RHPN2: variants seen among roughly 807,000 people sequenced by gnomAD.
RHPN2 encodes rhophilin-2.
Under a neutral mutation model 79.0 loss-of-function variants are expected in RHPN2, and 40 were observed. The observed-to-expected ratio is 0.51, with a 90% confidence interval of 0.39 to 0.66. The LOEUF is 0.66. Ranked by LOEUF, RHPN2 falls within the 30% of genes least tolerant of loss-of-function variation. The pLI is 0.00. For synonymous variants in RHPN2, 285 were observed against 363.5 expected, an observed-to-expected ratio of 0.78 and a Z score of 2.46; for missense variants, 686 against 883.5, an observed-to-expected ratio of 0.78 and a Z score of 2.83.
intron 6 of RHPN2, among the ~76,000 whole-genome samples, chr19:33,010,385 G>GTTTT: frequency 7.1e-6 from 1 of 140,594 alleles, no homozygotes; most frequent in Non-Finnish European, 1.5e-5. Flanking sequence ...TTTTTAGGTT[G>GTTTT]TTTTTTTTTT....
At chr19:33,061,393 G>A (rs71351712) in intron 1 of RHPN2, among the ~76,000 whole-genome samples, 1 of 151,332 alleles carries the variant, frequency 6.6e-6, no homozygotes, top group African/African-American at 2.4e-5. Flanking sequence ...TTTTAGTAGA[G>A]ACGGGGTTTC....
At chr19:33,021,944 TTTA>T (rs150036271) in intron 3 of RHPN2, among the ~76,000 whole-genome samples, 3,997 of 152,064 alleles carry the variant, frequency 0.026, 162 homozygotes, top group African/African-American at 0.092. Flanking sequence ...CCTTTTTTAT[TTTA>T]TTATTATTTT....
chr19:33,046,415 A>G (rs1330472662), intron 1 of RHPN2, among the ~76,000 whole-genome samples: 2 of 151,852 alleles, frequency 1.3e-5, no homozygotes, highest in African/African-American at 2.4e-5. Context: ...ACAGGCGTGC[A>G]CCACCATGAC....
intron 2 of RHPN2, among the ~76,000 whole-genome samples, chr19:33,041,395 G>A (rs1462567797): frequency 1.3e-5 from 2 of 152,122 alleles, no homozygotes; most frequent in Non-Finnish European, 2.9e-5. Flanking sequence ...ATTTGTTTTC[G>A]GGAAACCGTT....
intron 1 of RHPN2, among the ~76,000 whole-genome samples, chr19:33,057,594 T>G (rs1355052258): frequency 6.8e-6 from 1 of 147,982 alleles, no homozygotes; most frequent in African/African-American, 2.5e-5. Flanking sequence ...GCACATCACT[T>G]GAACCCAGGA....
chr19:33,038,263 C>T (rs1452986415), intron 2 of RHPN2, among the ~76,000 whole-genome samples: 4 of 147,904 alleles, frequency 2.7e-5, no homozygotes, highest in African/African-American at 7.5e-5. Context: ...GCAGGAGAAT[C>T]GCTTGAACCC....
At position 32,979,864 on chromosome 19, in the gene RHPN2, A is replaced by T; in HGVS notation, c.*132T>A. ...TACTTTCCTTCATAAAAACACATCA[A>T]ATGTGAGTTTACACTATGAGAAAAA... On this transcript the variant is annotated 3_prime_UTR_variant, in exon 15 of 15. Transcript: ENST00000254260. 1 of 1,147,458 alleles carries T rather than the reference A, an allele frequency of 8.7e-7. No homozygotes were observed. The highest frequency in any genetic ancestry group is 1.5e-5 in the African/African-American group (1 of 65,298). The allele number at this position is 1,147,458 out of a possible 1,614,324, so 71.1% of individuals were successfully genotyped here.
chr19:33,019,627 G>A (rs141121364), intron 4 of RHPN2, among the ~76,000 whole-genome samples: 1 of 151,896 alleles, frequency 6.6e-6, no homozygotes, highest in Non-Finnish European at 1.5e-5. Flanking sequence ...AGCCAGGCAC[G>A]GTGGCACACG....
intron 1 of RHPN2, among the ~76,000 whole-genome samples, chr19:33,059,063 C>G (rs1027369572): frequency 2.6e-5 from 4 of 151,898 alleles, no homozygotes; most frequent in Non-Finnish European, 4.4e-5. Context: ...CCACTGCACT[C>G]CAGCCTGGGG....
At chr19:33,044,154 A>G (rs1972123187) in intron 2 of RHPN2, 95 bp downstream of exon 2, 1 of 892,108 alleles carries the variant, frequency 1.1e-6, no homozygotes, top group Non-Finnish European at 1.9e-6. Flanking sequence ...AGAAATGAGG[A>G]GGAAACCCAA....
chr19:32,990,606 T>C lies in RHPN2; in HGVS notation c.1708A>G (p.Thr570Ala), dbSNP rs1474727741. The stretch of plus-strand genomic sequence containing the variant: ...AGCAGCTTCATAACCTCACTCAGCG[T>C]CAGCCACTTACAATCCACAAGCTGA... ...SIQLVDCKWL[T>A]LSEVMKLLKS... Residue 570 changes from threonine to alanine, a missense_variant, in exon 14 of 15, where the codon ACG becomes GCG. Transcript: ENST00000254260. 1.9e-6 allele frequency: 3 copies of C among 1,613,908 alleles called. No individual in the cohort carries two copies. The highest frequency in any genetic ancestry group is 2.7e-5 in the African/African-American group (2 of 75,024).
rs766716284 is a variant in RHPN2 at position 32,979,957 on chromosome 19, C to T, written c.*39G>A. The T allele has an allele frequency of 5.6e-6, 9 of 1,612,088 alleles. No individual in the cohort carries two copies. The highest frequency in any genetic ancestry group is 2.2e-5 in the East Asian group (1 of 44,868). On this transcript the variant is annotated 3_prime_UTR_variant, in exon 15 of 15. Coordinates refer to ENST00000254260, the MANE Select transcript of RHPN2 (RefSeq NM_033103.5). ...CAAACGTTTAAGGCCGAGTCAGCAC[C>T]GGAAATGTTCAGGGCCTGAACATGT...
intron 1 of RHPN2, among the ~76,000 whole-genome samples, chr19:33,050,103 T>C (rs778593447): frequency 6.6e-6 from 1 of 152,140 alleles, no homozygotes; most frequent in Non-Finnish European, 1.5e-5. Context: ...GCCTGGCCCA[T>C]TGGAAAACCA....
At chr19:33,016,225 T>A (rs78560832) in intron 4 of RHPN2, among the ~76,000 whole-genome samples, 1 of 151,564 alleles carries the variant, frequency 6.6e-6, no homozygotes, top group Non-Finnish European at 1.5e-5. Flanking sequence ...TTTTTTTTTT[T>A]AAATGAGACA....
At chr19:32,984,280 G>T (rs1434333267) in intron 14 of RHPN2, among the ~76,000 whole-genome samples, 3 of 152,044 alleles carry the variant, frequency 2.0e-5, no homozygotes, top group South Asian at 4.1e-4. Context: ...AGGCTCAGTC[G>T]CTAAAAACAG....
At chr19:33,005,761 G>A (rs1184682326) in intron 7 of RHPN2, among the ~76,000 whole-genome samples, 1 of 152,082 alleles carries the variant, frequency 6.6e-6, no homozygotes, top group Non-Finnish European at 1.5e-5. Context: ...CTCAGAGACA[G>A]GACACAGAGT....
Position 32,991,059 on chromosome 19 carries a change from C to T in RHPN2, c.1645-390G>A, listed in dbSNP as rs375331324. ...AAAATTGGCCAGGCACAGTGGCTCACGCCTGTAATCCTAGCACTCTGGGAG... is the reference window on the plus strand; with the variant it reads ...AAAATTGGCCAGGCACAGTGGCTCATGCCTGTAATCCTAGCACTCTGGGAG... On this transcript the variant is annotated intron_variant, in intron 13 of 14. Transcript: ENST00000254260. Among the ~76,000 whole-genome samples the T allele has an allele frequency of 2.8e-4, 42 of 150,894 alleles. No individual in the cohort carries two copies. In the South Asian group the frequency reaches 8.4e-3, roughly 30 times the overall value.
chr19:33,025,984 T>G (rs1456982150), intron 3 of RHPN2, among the ~76,000 whole-genome samples: 4 of 149,694 alleles, frequency 2.7e-5, no homozygotes, highest in Non-Finnish European at 5.9e-5. Flanking sequence ...TTCATTTGTT[T>G]TTTTTTTTTT....
intron 1 of RHPN2, 141 bp downstream of exon 1, chr19:33,064,643 C>A: frequency 1.2e-6 from 1 of 836,404 alleles, no homozygotes; most frequent in Non-Finnish European, 1.7e-6. Flanking sequence ...AGCCTCCGTC[C>A]GGCCAGCGCC....
Sources: allele counts gnomAD v4.1 joint callset (sites outside exome capture counted in the v4.1 genomes callset), GRCh38; gene constraint gnomAD v4.1.1; transcripts MANE v1.5; gene names NCBI Gene and HGNC (gene_info 2026-07-23, HGNC 2026-07-21).